PNMA8B: variants seen among roughly 807,000 people sequenced by gnomAD.
PNMA8B encodes PNMA family member 8B, also known as paraneoplastic antigen-like protein 8B.
For synonymous variants in PNMA8B, 386 were observed against 394.9 expected (o/e 0.98, Z 0.27); for missense variants, 887 against 885.8 (o/e 1.00, Z -0.02).
At position 46,492,257 on chromosome 19, in the gene PNMA8B, G is replaced by A. The variant is rs1970013959; in HGVS notation, c.*1301C>T. On this transcript the variant is annotated 3_prime_UTR_variant, in exon 1 of 1. Coordinates refer to ENST00000599531, the MANE Select transcript of PNMA8B (RefSeq NM_020709.3). ...GAGGAAGCACACACATTGCCCCAGG[G>A]ACAAGAAGGCATGAATGAAGGTGGG... The A allele has an allele frequency of 2.9e-6, 1 of 347,962 alleles. No individual in the cohort carries two copies. The highest frequency in any genetic ancestry group is 6.0e-6 in the Non-Finnish European group (1 of 167,522). The allele number at this position is 347,962 out of a possible 1,614,324, so 21.6% of individuals were successfully genotyped here. A position where few individuals can be genotyped will look rare whatever the true frequency, so the allele number is the denominator to read the frequency against.
chr19:46,494,912 C>T lies in PNMA8B; in HGVS notation c.554G>A (p.Arg185Gln). The T allele has an allele frequency of 1.2e-6, 2 of 1,611,548 alleles. No homozygotes were observed. The highest frequency in any genetic ancestry group is 1.7e-6 in the Non-Finnish European group (2 of 1,179,888). The change falls in exon 1 of 1, where the codon CGG becomes CAG. Residue 185 changes from arginine to glutamine, a missense_variant. By Grantham distance (43) the Arg-to-Gln change is conservative. Coordinates refer to ENST00000599531, the MANE Select transcript of PNMA8B (RefSeq NM_020709.3). Reference sequence around the variant, plus strand: ...CTCACTCCTCGCGGGAGCAGACGGCCGTCCTCCTCGGCTTCTCTTCTTGCC... The same window carrying T: ...CTCACTCCTCGCGGGAGCAGACGGCTGTCCTCCTCGGCTTCTCTTCTTGCC... ...QKGKKRSRGGRPSAPARSEAE... is the reference protein window; with the variant it reads ...QKGKKRSRGGQPSAPARSEAE...
chr19:46,492,124 C>G lies in PNMA8B; in HGVS notation c.*1434G>C, dbSNP rs752381213. On this transcript the variant is annotated 3_prime_UTR_variant, in exon 1 of 1. Transcript: ENST00000599531. ...TGACATAGGACTGGGACAGTCTGGT[C>G]TGGACTGTGAGGTCACACCCAAACC... 11 of 442,762 alleles carry G rather than the reference C, an allele frequency of 2.5e-5. No homozygotes were observed. The highest frequency in any genetic ancestry group is 5.0e-5 in the Non-Finnish European group (11 of 218,654). 27.4% of individuals were successfully genotyped at this position (442,762 alleles called of 1,614,324 possible).
In PNMA8B at chr19:46,494,750, G is replaced by A; in HGVS notation, c.716C>T (p.Ala239Val). 1 of 1,613,844 alleles carries A rather than the reference G, an allele frequency of 6.2e-7. No individual in the cohort carries two copies. Among genetic ancestry groups the A allele is most frequent in the Non-Finnish European group, 8.5e-7 (1 of 1,179,870 alleles). ...TTCTTCCCCCTCGGAGTTGCAGGGC[G>A]CCCACTGCCTAACCAGCTCCCTGGC... ...AAARELVRQWAPCNSEGEEDG... is the reference protein window; with the variant it reads ...AAARELVRQWVPCNSEGEEDG... The change falls in exon 1 of 1, where the codon GCG (alanine) becomes GTG (valine). Residue 239 changes from alanine to valine, a missense_variant. Ala to Val is a moderately conservative substitution (Grantham distance 64). Coordinates refer to ENST00000599531, the MANE Select transcript of PNMA8B (RefSeq NM_020709.3).
chr19:46,493,911 C>T lies in PNMA8B; in HGVS notation c.1555G>A (p.Glu519Lys), dbSNP rs955053105. 6.3e-6 allele frequency: 10 copies of T among 1,578,068 alleles called. No homozygotes were observed. Among genetic ancestry groups the T allele is most frequent in the Middle Eastern group, 1.7e-4 (1 of 5,880 alleles). Residue 519 changes from glutamate (E) to lysine (K), a missense_variant, in exon 1 of 1, where the codon GAG (glutamate) becomes AAG (lysine). Coordinates refer to ENST00000599531, the MANE Select transcript of PNMA8B (RefSeq NM_020709.3). This position sits in a 1 kb window ranked among gnomAD's most constrained non-coding sequence, Gnocchi z 5.3. The part of the protein sequence containing the change: ...EQSEEESEDT[E>K]SEASEPEDRA... Reference sequence around the variant, plus strand: ...TCCTCCGGCTCCGACGCCTCGCTCTCGGTGTCCTCCGACTCCTCCTCGGAC... The same window carrying T: ...TCCTCCGGCTCCGACGCCTCGCTCTTGGTGTCCTCCGACTCCTCCTCGGAC...
Position 46,494,728 on chromosome 19 carries a change from T to C in PNMA8B, c.738A>G (p.Glu246=), listed in dbSNP as rs375528723. ...CCAAGAACTCGCGGGGACCGTCTTC[T>C]TCCCCCTCGGAGTTGCAGGGCGCCC... ...RQWAPCNSEG[E]EDGPREFLAL... The change falls in exon 1 of 1, where the codon GAA becomes GAG. Residue 246 remains glutamate, a synonymous_variant. Transcript: ENST00000599531. The C allele has an allele frequency of 5.0e-6, 8 of 1,613,880 alleles. No individual in the cohort carries two copies. In the African/African-American group the frequency reaches 8.0e-5, roughly 16 times the overall value.
Position 46,494,015 on chromosome 19 carries a change from A to C in PNMA8B, c.1451T>G (p.Leu484Arg), listed in dbSNP as rs1970049462. 3 of 1,612,508 alleles carry C rather than the reference A, an allele frequency of 1.9e-6. No homozygotes were observed. The African/African-American group carries it at 4.0e-5, about 22-fold the overall frequency. ...GGCCAGGAGCGCCAATACCTCCCCC[A>C]GTTTGCCTTTGGGGTATTTGTACTT... ...GGKYKYPKGK[L>R]GEVLALLAAR... is the part of the protein sequence containing the mutation. Residue 484 changes from leucine (L) to arginine (R), a missense_variant, in exon 1 of 1, where the codon CTG becomes CGG. Leu to Arg is a moderately radical substitution (Grantham distance 102). Coordinates refer to ENST00000599531, the MANE Select transcript of PNMA8B (RefSeq NM_020709.3).
In PNMA8B at chr19:46,493,794, G is replaced by A; in HGVS notation, c.1672C>T (p.Arg558Cys). The A allele has an allele frequency of 7.3e-7, 1 of 1,364,356 alleles. No individual in the cohort carries two copies. 84.5% of individuals were successfully genotyped at this position (1,364,356 alleles called of 1,614,324 possible). The change falls in exon 1 of 1, where the codon CGC becomes TGC. Residue 558 changes from arginine (R) to cysteine (C), a missense_variant. Coordinates refer to ENST00000599531, the MANE Select transcript of PNMA8B (RefSeq NM_020709.3). The surrounding 1 kb of genome is among the most constrained non-coding windows in gnomAD (Gnocchi z 5.3). Reference protein sequence around the residue: ...AGAPPTASGARKTRAGGRGRG... With the variant: ...AGAPPTASGACKTRAGGRGRG... Reference sequence around the variant, plus strand: ...CCTCGGCCGCCCGCGCGGGTTTTGCGGGCCCCGGAAGCGGTGGGAGGCGCG... The same window carrying A: ...CCTCGGCCGCCCGCGCGGGTTTTGCAGGCCCCGGAAGCGGTGGGAGGCGCG...
At position 46,491,813 on chromosome 19, in the gene PNMA8B, C is replaced by T. The variant is rs940670524; in HGVS notation, c.*1745G>A. On this transcript the variant is annotated 3_prime_UTR_variant, in exon 1 of 1. Transcript: ENST00000599531. ...CTGTGGCCCACGCTCCCACACCCCG[C>T]CTGCCCCACTGCCCAGAGCACAGAG... is the stretch of plus-strand genomic sequence containing the variant. 7 of 155,372 alleles carry T rather than the reference C, an allele frequency of 4.5e-5. No homozygotes were observed. Among genetic ancestry groups the T allele is most frequent in the Non-Finnish European group, 7.1e-5 (5 of 70,202 alleles). 9.6% of individuals were successfully genotyped at this position (155,372 alleles called of 1,614,324 possible). A position where few individuals can be genotyped will look rare whatever the true frequency, so the allele number is the denominator to read the frequency against.
chr19:46,493,892 G>C lies in PNMA8B; in HGVS notation c.1574C>G (p.Pro525Arg). ...GGGCTTCCTGGATGCCCTGTCCTCC[G>C]GCTCCGACGCCTCGCTCTCGGTGTC... ...SEDTESEASE[P>R]EDRASRKPRA... Residue 525 changes from proline to arginine, a missense_variant, in exon 1 of 1, where the codon CCG (proline) becomes CGG (arginine). Physicochemically the swap from Pro to Arg is moderately radical, Grantham distance 103. Coordinates refer to ENST00000599531, the MANE Select transcript of PNMA8B (RefSeq NM_020709.3). This position sits in a 1 kb window ranked among gnomAD's most constrained non-coding sequence, Gnocchi z 5.3. 1 of 1,561,324 alleles carries C rather than the reference G, an allele frequency of 6.4e-7. No individual in the cohort carries two copies. Among genetic ancestry groups the C allele is most frequent in the East Asian group, 2.3e-5 (1 of 44,084 alleles).
At position 46,494,647 on chromosome 19, in the gene PNMA8B, A is replaced by C. The variant is rs143805999; in HGVS notation, c.819T>G (p.Ala273=). Residue 273 remains alanine (A), a synonymous_variant, in exon 1 of 1, where the codon GCT becomes GCG. Coordinates refer to ENST00000599531, the MANE Select transcript of PNMA8B (RefSeq NM_020709.3). ...TGTTCAAGCGGATGGATTCGGCCCC[A>C]GCTGGCTCCTTCTCTGCCTCTTCTT... ...SKKEEAEKEP[A]GAESIRLNTK... 65 of 1,613,992 alleles carry C rather than the reference A, an allele frequency of 4.0e-5. No individual in the cohort carries two copies. In the African/African-American group the frequency reaches 6.9e-4, roughly 17 times the overall value.
At position 46,492,140 on chromosome 19, in the gene PNMA8B, C is replaced by G. The variant is rs1250651715; in HGVS notation, c.*1418G>C. 2.3e-6 allele frequency: 1 copy of G among 444,040 alleles called. No homozygotes were observed. The highest frequency in any genetic ancestry group is 7.3e-5 in the East Asian group (1 of 13,662). The allele number at this position is 444,040 out of a possible 1,614,324, so 27.5% of individuals were successfully genotyped here. A position where few individuals can be genotyped will look rare whatever the true frequency, so the allele number is the denominator to read the frequency against. ...CAGTCTGGTCTGGACTGTGAGGTCA[C>G]ACCCAAACCCTCCTATTCCTTCCCA... is the stretch of plus-strand genomic sequence containing the variant. On this transcript the variant is annotated 3_prime_UTR_variant, in exon 1 of 1. Coordinates refer to ENST00000599531, the MANE Select transcript of PNMA8B (RefSeq NM_020709.3).
rs1332169676 is a variant in PNMA8B, at chr19:46,495,672, G to A, written c.-207C>T. 2 of 620,992 alleles carry A rather than the reference G, an allele frequency of 3.2e-6. No individual in the cohort carries two copies. The highest frequency in any genetic ancestry group is 3.7e-5 in the African/African-American group (2 of 54,144). 38.5% of individuals were successfully genotyped at this position (620,992 alleles called of 1,614,324 possible). On this transcript the variant is annotated 5_prime_UTR_variant, in exon 1 of 1. Transcript: ENST00000599531. ...GGCTGGACGCAGTGACCTTCCCCCGGGACCCCTCTCCAGAGCTGTCTGAGG... is the reference window on the plus strand; with the variant it reads ...GGCTGGACGCAGTGACCTTCCCCCGAGACCCCTCTCCAGAGCTGTCTGAGG...
Position 46,493,405 on chromosome 19 carries a change from A to C in PNMA8B, c.*153T>G. ...CGGCCTGCGAGGGCCCGAGAGGGGAACGTGACGCTGGCAAAACGCGGCCCG... is the reference window on the plus strand; with the variant it reads ...CGGCCTGCGAGGGCCCGAGAGGGGACCGTGACGCTGGCAAAACGCGGCCCG... On this transcript the variant is annotated 3_prime_UTR_variant, in exon 1 of 1. Coordinates refer to ENST00000599531, the MANE Select transcript of PNMA8B (RefSeq NM_020709.3). The surrounding 1 kb of genome is among the most constrained non-coding windows in gnomAD (Gnocchi z 5.3). 5 of 450,636 alleles carry C rather than the reference A, an allele frequency of 1.1e-5. No homozygotes were observed. The highest frequency in any genetic ancestry group is 1.8e-5 in the Non-Finnish European group (5 of 275,198). 27.9% of individuals were successfully genotyped at this position (450,636 alleles called of 1,614,324 possible).
Position 46,494,917 on chromosome 19 carries a change from T to A in PNMA8B, c.549A>T (p.Gly183=), listed in dbSNP as rs982780167. ...LTQKGKKRSR[G]GRPSAPARSE... is the part of the protein sequence containing the mutation. ...TCCTCGCGGGAGCAGACGGCCGTCC[T>A]CCTCGGCTTCTCTTCTTGCCCTTCT... is the stretch of plus-strand genomic sequence containing the variant. The change falls in exon 1 of 1, where the codon GGA becomes GGT. Residue 183 remains glycine, a synonymous_variant. Transcript: ENST00000599531. 3.1e-6 allele frequency: 5 copies of A among 1,611,340 alleles called. No individual in the cohort carries two copies. The highest frequency in any genetic ancestry group is 4.2e-6 in the Non-Finnish European group (5 of 1,179,886).
rs868499595 is a variant in PNMA8B, at chr19:46,493,678, G to C, written c.1788C>G (p.Ser596Arg). 6.5e-7 allele frequency: 1 copy of C among 1,532,294 alleles called. No individual in the cohort carries two copies. Among genetic ancestry groups the C allele is most frequent in the Admixed American group, 1.9e-5 (1 of 52,638 alleles). 94.9% of individuals were successfully genotyped at this position (1,532,294 alleles called of 1,614,324 possible). A position where few individuals can be genotyped will look rare whatever the true frequency, so the allele number is the denominator to read the frequency against. The change falls in exon 1 of 1, where the codon AGC (serine) becomes AGG (arginine). Residue 596 changes from serine to arginine, a missense_variant. Transcript: ENST00000599531. This position sits in a 1 kb window ranked among gnomAD's most constrained non-coding sequence, Gnocchi z 5.3. ...CCCTGGCATGGGCCCCGGCGCCCGC[G>C]CTCCCCTTCTTCTTCCTGCTTCCTG... ...DAAGSRKKKGSAGAGAHARAG... is the reference protein window; with the variant it reads ...DAAGSRKKKGRAGAGAHARAG...
Position 46,492,882 on chromosome 19 carries a change from T to A in PNMA8B, c.*676A>T, listed in dbSNP as rs2147483425. ...TCCTTTGTTATCAGGGGCGCCCCAG[T>A]AGGCAGGGCTGGCATGTGTCTTCCC... is the stretch of plus-strand genomic sequence containing the variant. On this transcript the variant is annotated 3_prime_UTR_variant, in exon 1 of 1. Coordinates refer to ENST00000599531, the MANE Select transcript of PNMA8B (RefSeq NM_020709.3). The A allele has an allele frequency of 6.5e-6, 1 of 154,088 alleles. No individual in the cohort carries two copies. Among genetic ancestry groups the A allele is most frequent in the African/African-American group, 2.4e-5 (1 of 41,538 alleles). The allele number at this position is 154,088 out of a possible 1,614,324, so 9.5% of individuals were successfully genotyped here.
rs373309758 is a variant in PNMA8B, at chr19:46,493,974, C to G, written c.1492G>C (p.Gly498Arg). The change falls in exon 1 of 1, where the codon GGG (glycine) becomes CGG (arginine). Residue 498 changes from glycine to arginine, a missense_variant. Coordinates refer to ENST00000599531, the MANE Select transcript of PNMA8B (RefSeq NM_020709.3). The surrounding 1 kb of genome is among the most constrained non-coding windows in gnomAD (Gnocchi z 5.3). ...GCCTCCTCCGACCCCTCGTTGGACC[C>G]CATGTTCTCCCGGGCGGCCAGGAGC... ...LALLAARENMGSNEGSEEASD... is the reference protein window; with the variant it reads ...LALLAARENMRSNEGSEEASD... The G allele has an allele frequency of 1.9e-6, 3 of 1,613,522 alleles. No individual in the cohort carries two copies. Among genetic ancestry groups the G allele is most frequent in the Non-Finnish European group, 2.5e-6 (3 of 1,179,864 alleles).
At position 46,494,007 on chromosome 19, in the gene PNMA8B, C is replaced by T; in HGVS notation, c.1459G>A (p.Val487Ile). The T allele has an allele frequency of 6.2e-7, 1 of 1,613,686 alleles. No individual in the cohort carries two copies. Residue 487 changes from valine (V) to isoleucine (I), a missense_variant, in exon 1 of 1, where the codon GTA becomes ATA. Physicochemically the swap from Val to Ile is conservative, Grantham distance 29. Coordinates refer to ENST00000599531, the MANE Select transcript of PNMA8B (RefSeq NM_020709.3). ...YKYPKGKLGE[V>I]LALLAARENM... ...TCCCGGGCGGCCAGGAGCGCCAATA[C>T]CTCCCCCAGTTTGCCTTTGGGGTAT... is the stretch of plus-strand genomic sequence containing the variant.
At position 46,495,142 on chromosome 19, in the gene PNMA8B, G is replaced by C. The variant is rs1431922906; in HGVS notation, c.324C>G (p.Arg108=). 2 of 1,613,808 alleles carry C rather than the reference G, an allele frequency of 1.2e-6. No individual in the cohort carries two copies. The highest frequency in any genetic ancestry group is 1.7e-6 in the Non-Finnish European group (2 of 1,179,870). Residue 108 remains arginine (R), a synonymous_variant, in exon 1 of 1, where the codon CGC becomes CGG. Coordinates refer to ENST00000599531, the MANE Select transcript of PNMA8B (RefSeq NM_020709.3). ...GCGTGGGCCCGTCATCCAGCAGCAGGCGTCTCATCTGCCTCAGGACCCTCG... is the reference window on the plus strand; with the variant it reads ...GCGTGGGCCCGTCATCCAGCAGCAGCCGTCTCATCTGCCTCAGGACCCTCG... ...QDTRVLRQMR[R]LLLDDGPTQA... is the part of the protein sequence containing the mutation.
Sources: gnomAD v4.1 joint callset for allele counts on GRCh38, gnomAD v4.1.1 for gene constraint, Gnocchi (gnomAD v3.1) non-coding constraint, MANE v1.5 for transcripts, NCBI Gene and HGNC (gene_info 2026-07-23, HGNC 2026-07-21) for gene names.